The following SMPD4 variants were observed in gnomAD, a reference collection of about 807,000 sequenced individuals.
SMPD4 encodes the protein sphingomyelin phosphodiesterase 4.
Under a neutral mutation model 97.8 loss-of-function variants are expected in SMPD4, and 58 were observed. That is an observed-to-expected ratio of 0.59 (90% CI 0.48 to 0.74). SMPD4 has a LOEUF of 0.74. SMPD4 is among the 30% of genes least tolerant of loss of function. SMPD4 has a pLI of 0.00. For missense variants in SMPD4, 853 were observed against 1,080.5 expected (o/e 0.79, Z 2.95); for synonymous variants, 388 against 450.0 (o/e 0.86, Z 1.74).
intron 11 of SMPD4, among the ~76,000 whole-genome samples, chr2:130,159,800 T>G (rs1179798659): frequency 6.6e-6 from 1 of 152,142 alleles, no homozygotes; most frequent in Non-Finnish European, 1.5e-5. Flanking sequence ...CCTGGGATCC[T>G]GAGCCGTAAC....
intron 9 of SMPD4, among the ~76,000 whole-genome samples, chr2:130,166,478 G>A (rs1401790845): frequency 6.6e-6 from 1 of 152,180 alleles, no homozygotes; most frequent in Admixed American, 6.5e-5. Context: ...TCTGTGAACA[G>A]GGGCAACGGT....
At chr2:130,175,626 G>T (rs918772722) in intron 2 of SMPD4, among the ~76,000 whole-genome samples, 2 of 152,200 alleles carry the variant, frequency 1.3e-5, no homozygotes, top group Middle Eastern at 3.2e-3. Flanking sequence ...AAAGACTCAG[G>T]ACAAGGACTA....
chr2:130,167,235 C>G (rs1168020803), intron 9 of SMPD4, among the ~76,000 whole-genome samples: 3 of 152,162 alleles, frequency 2.0e-5, no homozygotes, highest in Admixed American at 1.3e-4. Flanking sequence ...ATTCTCCCGC[C>G]TCAGCCTCCC....
At chr2:130,181,192 G>T (rs942591093) in intron 1 of SMPD4, 2 of 1,044,968 alleles carry the variant, frequency 1.9e-6, no homozygotes, top group African/African-American at 1.7e-5. Flanking sequence ...CCCACACCCG[G>T]CTCTTACACC....
chr2:130,178,502 C>G (rs1455951756), intron 1 of SMPD4, among the ~76,000 whole-genome samples: 1 of 152,022 alleles, frequency 6.6e-6, no homozygotes, highest in African/African-American at 2.4e-5. Context: ...CATGAGAAAA[C>G]TAGGATCAAA....
intron 12 of SMPD4, 187 bp from the exon 13 acceptor site, chr2:130,156,862 G>C (rs754304787): frequency 6.6e-7 from 1 of 1,504,868 alleles, no homozygotes; most frequent in African/African-American, 1.4e-5. Context: ...ACATCCCAAG[G>C]ACACACAGCA....
In SMPD4 at chr2:130,176,565, T is replaced by A. The variant is rs536895945; in HGVS notation, c.28A>T (p.Ser10Cys). MAFPHLQQP[S>C]FLLASLKADS... is the part of the protein sequence containing the mutation. ...CAGTTGATATTTACCAGTAGAAAGC[T>A]GGGCTGCTGCAGGTGAGGGAACGCC... Residue 10 changes from serine (S) to cysteine (C), a missense_variant, in exon 2 of 20, where the codon AGC (serine) becomes TGC (cysteine). Ser to Cys is a moderately radical substitution (Grantham distance 112, BLOSUM62 -1). Transcript: ENST00000680298. 1 of 1,612,684 alleles carries A rather than the reference T, an allele frequency of 6.2e-7. No individual in the cohort carries two copies. Among genetic ancestry groups the A allele is most frequent in the Admixed American group, 1.7e-5 (1 of 59,614 alleles).
chr2:130,159,910 G>C (rs925724712), intron 11 of SMPD4, among the ~76,000 whole-genome samples: 1 of 152,148 alleles, frequency 6.6e-6, no homozygotes, highest in East Asian at 1.9e-4. Context: ...TGGTCCTTCC[G>C]AAGGGTCTGG....
intron 5 of SMPD4, 120 bp downstream of exon 5, chr2:130,173,159 C>T: frequency 8.2e-6 from 9 of 1,098,774 alleles, no homozygotes; most frequent in Middle Eastern, 4.4e-4. Flanking sequence ...GCCTCTCACA[C>T]CCCTGGAACG....
intron 2 of SMPD4, among the ~76,000 whole-genome samples, chr2:130,176,346 G>C (rs1688974503): frequency 6.6e-6 from 1 of 152,212 alleles, no homozygotes; most frequent in South Asian, 2.1e-4. Context: ...ACTTGTGTGA[G>C]AAAACCCAGA....
chr2:130,167,855 C>T (rs967611066), intron 8 of SMPD4, among the ~76,000 whole-genome samples: 1 of 152,136 alleles, frequency 6.6e-6, no homozygotes, highest in African/African-American at 2.4e-5. Context: ...AGAGAACCAC[C>T]ATTTAGTAAC....
rs868813766 is a variant in SMPD4, at chr2:130,181,289, C to G, written c.-46+241G>C. Reference sequence around the variant, plus strand: ...TCAACGAAGGTTAACCTTCAGCGAACACCTACCGGACCGGGACAGAGTGTA... The same window carrying G: ...TCAACGAAGGTTAACCTTCAGCGAAGACCTACCGGACCGGGACAGAGTGTA... On this transcript the variant is annotated intron_variant, in intron 1 of 19. Coordinates refer to ENST00000680298, the MANE Select transcript of SMPD4 (RefSeq NM_017951.5). 1.9e-4 allele frequency: 264 copies of G among 1,399,484 alleles called. 1 individual carries two copies. Among genetic ancestry groups the G allele is most frequent in the Admixed American group, 1.2e-4 (4 of 33,162 alleles). 86.7% of individuals were successfully genotyped at this position (1,399,484 alleles called of 1,614,324 possible).
At chr2:130,156,715 A>T in intron 12 of SMPD4, 40 bp from the exon 13 acceptor site, 1 of 1,596,240 alleles carries the variant, frequency 6.3e-7, no homozygotes, top group Non-Finnish European at 8.5e-7. Flanking sequence ...CTTGCCCAGT[A>T]AGGAGGCCCT....
Position 130,176,643 on chromosome 2 carries a change from G to A in SMPD4, c.-45-6C>T. On this transcript the variant is annotated splice_polypyrimidine_tract_variant and splice_region_variant and intron_variant, in intron 1 of 19. Coordinates refer to ENST00000680298, the MANE Select transcript of SMPD4 (RefSeq NM_017951.5). The stretch of plus-strand genomic sequence containing the variant: ...ATGGCCTTCTTAGCAAACCACTGTG[G>A]AAAAACAAAGACAAAATCTCAACAT... 1 of 1,606,272 alleles carries A rather than the reference G, an allele frequency of 6.2e-7. No individual in the cohort carries two copies. The highest frequency in any genetic ancestry group is 1.7e-4 in the Middle Eastern group (1 of 6,006).
rs1225683261 is a variant in SMPD4, at chr2:130,156,567, G to C, written c.1188+18C>G. On this transcript the variant is annotated intron_variant, in intron 13 of 19. Coordinates refer to ENST00000680298, the MANE Select transcript of SMPD4 (RefSeq NM_017951.5). Reference sequence around the variant, plus strand: ...ACACAGAGGACACAGGCACACGTGTGACGGGGCCAACACTCACAGCTCTGA... The same window carrying C: ...ACACAGAGGACACAGGCACACGTGTCACGGGGCCAACACTCACAGCTCTGA... 3.7e-6 allele frequency: 6 copies of C among 1,609,632 alleles called. No individual in the cohort carries two copies. Among genetic ancestry groups the C allele is most frequent in the Non-Finnish European group, 5.1e-6 (6 of 1,177,496 alleles).
In SMPD4 at chr2:130,181,297, G is replaced by A; in HGVS notation, c.-46+233C>T. 6 of 1,402,148 alleles carry A rather than the reference G, an allele frequency of 4.3e-6. No homozygotes were observed. In the South Asian group the frequency reaches 4.9e-5, roughly 11 times the overall value. 86.9% of individuals were successfully genotyped at this position (1,402,148 alleles called of 1,614,324 possible). On this transcript the variant is annotated intron_variant, in intron 1 of 19. Transcript: ENST00000680298. Reference sequence around the variant, plus strand: ...GGTTAACCTTCAGCGAACACCTACCGGACCGGGACAGAGTGTACGAGCCGC... The same window carrying A: ...GGTTAACCTTCAGCGAACACCTACCAGACCGGGACAGAGTGTACGAGCCGC...
At chr2:130,166,865 T>C (rs550795918) in intron 9 of SMPD4, among the ~76,000 whole-genome samples, 12 of 152,320 alleles carry the variant, frequency 7.9e-5, no homozygotes, top group African/African-American at 2.9e-4. Flanking sequence ...CCCTCACCAT[T>C]CAGTGTCATG....
At chr2:130,156,300 C>T (rs958201471) in intron 13 of SMPD4, 165 bp from the exon 14 acceptor site, 47 of 702,306 alleles carry the variant, frequency 6.7e-5, no homozygotes, top group Non-Finnish European at 1.0e-4. Flanking sequence ...TCTTGCTGGC[C>T]CTCCAGAAGC....
At chr2:130,178,337 AC>A (rs1227270623) in intron 1 of SMPD4, among the ~76,000 whole-genome samples, 1 of 152,136 alleles carries the variant, frequency 6.6e-6, no homozygotes, top group Non-Finnish European at 1.5e-5. Flanking sequence ...TAATTCACTT[AC>A]CCCCACCCAG....
Sources: allele counts gnomAD v4.1 joint callset (sites outside exome capture counted in the v4.1 genomes callset), GRCh38; gene constraint gnomAD v4.1.1; transcripts MANE v1.5; gene names NCBI Gene and HGNC (gene_info 2026-07-23, HGNC 2026-07-21).